The following RASAL1 variants were observed in gnomAD, a reference collection of about 807,000 sequenced individuals.
RASAL1 encodes the protein rasGAP-activating-like protein 1.
In RASAL1, 72 loss-of-function variants were observed where a neutral mutation model predicts 96.6. The observed-to-expected ratio is 0.75, with a 90% CI of 0.62 to 0.91. The LOEUF is 0.91. Ranked by LOEUF, RASAL1 falls within the 40% of genes least tolerant of loss-of-function variation. The pLI is 0.00. For synonymous variants in RASAL1, 405 were observed against 430.4 expected, an observed-to-expected ratio of 0.94 and a Z score of 0.73; for missense variants, 1,016 against 1,072.5, an observed-to-expected ratio of 0.95 and a Z score of 0.74.
rs2136289749 is a variant in RASAL1 at position 113,135,439 on chromosome 12, A to C, written c.24T>G (p.Asn8Lys). Residue 8 changes from asparagine (N) to lysine (K), a missense_variant, in exon 1 of 21, where the codon AAT (asparagine) becomes AAG (lysine). Asn to Lys is a moderately conservative substitution (Grantham distance 94, BLOSUM62 0). Transcript: ENST00000548055. The surrounding 1 kb of genome is among the most constrained non-coding windows in gnomAD (Gnocchi z 5.7). ...GCGCGCGGCCCTCCACCACGCGAAC[A>C]TTCAGGGAGCTGCTCTTGGCCATGG... is the stretch of plus-strand genomic sequence containing the variant. MAKSSSL[N>K]VRVVEGRALP... The C allele has an allele frequency of 6.2e-7, 1 of 1,610,048 alleles. No individual in the cohort carries two copies. Among genetic ancestry groups the C allele is most frequent in the African/African-American group, 1.3e-5 (1 of 74,994 alleles).
intron 4 of RASAL1, 90 bp from the exon 5 acceptor site, chr12:113,121,728 T>TC (rs1355580348): frequency 1.0e-5 from 11 of 1,088,482 alleles, no homozygotes; most frequent in Non-Finnish European, 2.4e-6. Flanking sequence ...TTATTTTCAT[T>TC]TTTTTTTTTT....
rs1243389602 is a variant in RASAL1 at position 113,116,048 on chromosome 12, C to A, written c.735G>T (p.Gly245=). ...PFPRAEEDSG[G]NLGALRVKVR... ...CCTTCACTCGCAGGGCACCCAGGTT[C>A]CCCCTGTCCAGGATCAGATCATAAG... Residue 245 remains glycine, a synonymous_variant, in exon 9 of 21, where the codon GGG becomes GGT. Transcript: ENST00000548055. The A allele has an allele frequency of 1.3e-6, 2 of 1,580,322 alleles. No homozygotes were observed. Among genetic ancestry groups the A allele is most frequent in the Middle Eastern group, 1.7e-4 (1 of 5,904 alleles).
At position 113,115,624 on chromosome 12, in the gene RASAL1, G is replaced by A. The variant is rs200350606; in HGVS notation, c.1003+11C>T. 946 of 1,611,692 alleles carry A rather than the reference G, an allele frequency of 5.9e-4. 7 individuals are homozygous for A. In the African/African-American group the frequency reaches 0.011, roughly 19 times the overall value. On this transcript the variant is annotated intron_variant, in intron 10 of 20. Transcript: ENST00000548055. This position sits in a 1 kb window ranked among gnomAD's most constrained non-coding sequence, Gnocchi z 4.1. The stretch of plus-strand genomic sequence containing the variant: ...AGGGCGGTGATGTCGGGGGTTGTGC[G>A]GGCAACTCACTGGTCCGAGCCACCT...
At chr12:113,105,038 C>G (rs1036514999) in intron 16 of RASAL1, among the ~76,000 whole-genome samples, 2 of 152,220 alleles carry the variant, frequency 1.3e-5, no homozygotes, top group Non-Finnish European at 2.9e-5. Flanking sequence ...AAAATTGGAA[C>G]CCAGAGAACT....
intron 12 of RASAL1, among the ~76,000 whole-genome samples, chr12:113,113,907 C>T (rs970046429): frequency 7.9e-5 from 12 of 152,148 alleles, no homozygotes; most frequent in African/African-American, 2.4e-4. Flanking sequence ...ACTCAGAGAC[C>T]GCCAACACCA....
At chr12:113,101,293 G>A (rs1385278616) in intron 19 of RASAL1, among the ~76,000 whole-genome samples, 3 of 152,208 alleles carry the variant, frequency 2.0e-5, no homozygotes, top group East Asian at 3.8e-4. Context: ...GCAAGTGCCT[G>A]TAATCCTGGC....
chr12:113,136,546 T>C (rs1450979600), upstream of RASAL1, among the ~76,000 whole-genome samples: 2 of 152,226 alleles, frequency 1.3e-5, no homozygotes, highest in Non-Finnish European at 2.9e-5. Context: ...CAGTAACTGA[T>C]TTGCCTTCCA....
rs1333008387 is a variant in RASAL1, at chr12:113,100,623, C to CACAGG, written c.2278+4_2278+5insCCTGT. On this transcript the variant is annotated splice_donor_region_variant and intron_variant, in intron 20 of 20. Coordinates refer to ENST00000548055, the MANE Select transcript of RASAL1 (RefSeq NM_001301202.2). ...CTTTACCTTCTGAGGTACAGGAGCCCTTACCTGTGTCTGCCTCCAGAGTTG... is the reference window on the plus strand; with the variant it reads ...CTTTACCTTCTGAGGTACAGGAGCCCACAGGTTACCTGTGTCTGCCTCCAGAGTTG... The CACAGG allele has an allele frequency of 6.2e-7, 1 of 1,607,572 alleles. No homozygotes were observed.
intron 5 of RASAL1, 73 bp downstream of exon 5, chr12:113,121,436 G>C: frequency 6.3e-7 from 1 of 1,588,712 alleles, no homozygotes; most frequent in Non-Finnish European, 8.6e-7. Context: ...CAAACGCCAG[G>C]CAGCAGGGGA....
chr12:113,116,739 T>C (rs993634146), intron 8 of RASAL1, among the ~76,000 whole-genome samples: 1 of 152,006 alleles, frequency 6.6e-6, no homozygotes, highest in Non-Finnish European at 1.5e-5. Context: ...TGAAATGATA[T>C]TGATGGGTAT....
Position 113,130,569 on chromosome 12 carries a change from G to A in RASAL1, c.122+316C>T, listed in dbSNP as rs549620599. Among the ~76,000 whole-genome samples the A allele has an allele frequency of 1.4e-4, 21 of 152,132 alleles. No homozygotes were observed. Among genetic ancestry groups the A allele is most frequent in the African/African-American group, 4.8e-4 (20 of 41,480 alleles). Reference sequence around the variant, plus strand: ...GACATCCCCAGTGCCCGCAGCACCCGGCAGGCCCGGAACCAACCAGTCCAG... The same window carrying A: ...GACATCCCCAGTGCCCGCAGCACCCAGCAGGCCCGGAACCAACCAGTCCAG... On this transcript the variant is annotated intron_variant, in intron 2 of 20. Coordinates refer to ENST00000548055, the MANE Select transcript of RASAL1 (RefSeq NM_001301202.2). The surrounding 1 kb of genome is among the most constrained non-coding windows in gnomAD (Gnocchi z 5.1).
chr12:113,126,423 G>A (rs1200124174), intron 4 of RASAL1, among the ~76,000 whole-genome samples: 2 of 152,048 alleles, frequency 1.3e-5, no homozygotes, highest in East Asian at 1.9e-4. Context: ...GCTCACACCC[G>A]TTATCCCAGC....
intron 2 of RASAL1, among the ~76,000 whole-genome samples, chr12:113,128,537 CAT>C (rs1265644190): frequency 6.6e-6 from 1 of 151,182 alleles, no homozygotes; most frequent in Non-Finnish European, 1.5e-5. Context: ...AAAACACACA[CAT>C]GATCCTACAC....
Position 113,114,895 on chromosome 12 carries a change from G to A in RASAL1, c.1086C>T (p.Tyr362=), listed in dbSNP as rs2136176573. 1 of 1,613,970 alleles carries A rather than the reference G, an allele frequency of 6.2e-7. No homozygotes were observed. Among genetic ancestry groups the A allele is most frequent in the East Asian group, 2.2e-5 (1 of 44,890 alleles). The part of the protein sequence containing the change: ...EQFMKLVGMP[Y]LHEVLKPVIS... ...TCACAGGCTTCAGGACCTCGTGCAG[G>A]TAGGGCATGCCCACGAGCTGGGGGC... The change falls in exon 12 of 21, where the codon TAC becomes TAT. Residue 362 remains tyrosine (Y), a synonymous_variant. Transcript: ENST00000548055.
At chr12:113,108,837 C>CTT (rs56395319) in intron 13 of RASAL1, among the ~76,000 whole-genome samples, 76 of 121,592 alleles carry the variant, frequency 6.3e-4, no homozygotes, top group Non-Finnish European at 8.6e-4. Flanking sequence ...TTTTTTCTTT[C>CTT]TTTTTTTTTT....
At chr12:113,124,174 T>C (rs892916038) in intron 4 of RASAL1, among the ~76,000 whole-genome samples, 18 of 140,210 alleles carry the variant, frequency 1.3e-4, no homozygotes, top group South Asian at 4.4e-4. Context: ...TCTGAGATCA[T>C]GCCACTACAC....
At chr12:113,110,077 T>C (rs775305967) in intron 13 of RASAL1, among the ~76,000 whole-genome samples, 3 of 152,184 alleles carry the variant, frequency 2.0e-5, no homozygotes, top group Non-Finnish European at 4.4e-5. Context: ...CCTCCCTTTC[T>C]TCCCTGTTCC....
At chr12:113,112,907 G>A (rs1021884910) in intron 12 of RASAL1, among the ~76,000 whole-genome samples, 24 of 151,984 alleles carry the variant, frequency 1.6e-4, no homozygotes, top group African/African-American at 5.3e-4. Context: ...AGTCGAGATC[G>A]CACCACTGCA....
Position 113,112,260 on chromosome 12 carries a change from G to C in RASAL1, c.1200C>G (p.Gly400=). The C allele has an allele frequency of 7.9e-7, 1 of 1,262,216 alleles. No homozygotes were observed. The highest frequency in any genetic ancestry group is 3.9e-5 in the Admixed American group (1 of 25,886). The allele number at this position is 1,262,216 out of a possible 1,614,324, so 78.2% of individuals were successfully genotyped here. ...CCCGCATCTGCTCCTCCGAGAGTGC[G>C]CCTTTGAAGGAGATCCTCCTGGAGG... ...LGRTRRISFK[G]ALSEEQMRET... The change falls in exon 13 of 21, where the codon GGC becomes GGG. Residue 400 remains glycine, a synonymous_variant. Transcript: ENST00000548055.
Sources: allele counts gnomAD v4.1 joint callset (sites outside exome capture counted in the v4.1 genomes callset), GRCh38; gene constraint gnomAD v4.1.1; non-coding constraint Gnocchi (gnomAD v3.1); transcripts MANE v1.5; gene names NCBI Gene and HGNC (gene_info 2026-07-23, HGNC 2026-07-21).